The following PCNX1 variants were observed in gnomAD, a reference collection of about 807,000 sequenced individuals.
PCNX1 encodes the protein pecanex 1, also known as pecanex-like protein 1.
A neutral mutation model predicts 242.2 loss-of-function variants in PCNX1; 78 were observed. That is an observed-to-expected ratio of 0.32 (90% CI 0.27 to 0.39). The LOEUF is 0.39. PCNX1 is among the 10% of genes least tolerant of loss of function. The pLI is 1.00. For synonymous variants in PCNX1, 1,024 were observed against 1,032.9 expected (o/e 0.99, Z 0.17); for missense variants, 2,581 against 2,856.5 (o/e 0.90, Z 2.20).
chr14:70,948,614 T>G (rs2057559601), intron 2 of PCNX1, among the ~76,000 whole-genome samples: 1 of 151,438 alleles, frequency 6.6e-6, no homozygotes, highest in African/African-American at 2.4e-5. Context: ...TATATAGATG[T>G]GTATATATAC....
intron 2 of PCNX1, among the ~76,000 whole-genome samples, chr14:70,959,989 A>G (rs1374976732): frequency 6.5e-5 from 8 of 123,206 alleles, no homozygotes; most frequent in African/African-American, 2.1e-4. Context: ...AGTGATGGTG[A>G]GCATTTTTTC....
In PCNX1 at chr14:71,101,182, AT is replaced by A. The variant is rs565184603; in HGVS notation, c.5590-805del. Among the ~76,000 whole-genome samples, 4 of 152,196 alleles carry A rather than the reference AT, an allele frequency of 2.6e-5. No individual in the cohort carries two copies. In the South Asian group the frequency reaches 8.3e-4, roughly 32 times the overall value. On this transcript the variant is annotated intron_variant, in intron 30 of 35. Transcript: ENST00000304743. ...TGGATTACTTTACTGGGATACAGAA[AT>A]TTGTCAGCCTCCCAACTATAAATAT... is the stretch of plus-strand genomic sequence containing the variant.
At position 70,988,683 on chromosome 14, in the gene PCNX1, A is replaced by G. The variant is rs752221489; in HGVS notation, c.2428A>G (p.Ile810Val). 6 of 1,613,928 alleles carry G rather than the reference A, an allele frequency of 3.7e-6. No individual in the cohort carries two copies. The African/African-American group carries it at 8.0e-5, about 22-fold the overall frequency. ...TAACCCTACCCCTCCTACATTGCTC[A>G]TCGGATCACCCCTAAGGTATGGTAT... ...GSNPTPPTLLIGSPLSLQDGQ... is the reference protein window; with the variant it reads ...GSNPTPPTLLVGSPLSLQDGQ... The change falls in exon 7 of 36, where the codon ATC becomes GTC. Residue 810 changes from isoleucine to valine, a missense_variant. Transcript: ENST00000304743.
At position 70,919,014 on chromosome 14, in the gene PCNX1, G is replaced by A. The variant is rs1020168245; in HGVS notation, c.153+11011G>A. Among the ~76,000 whole-genome samples, 32 of 151,790 alleles carry A rather than the reference G, an allele frequency of 2.1e-4. 1 individual carries two copies. The highest frequency in any genetic ancestry group is 1.3e-4 in the Admixed American group (2 of 15,240). On this transcript the variant is annotated intron_variant, in intron 1 of 35. Transcript: ENST00000304743. ...TCCTGTCTCAGCTTTCTGAGTAGCT[G>A]GGACTGCAGGCCTGTGCCACCACAA...
chr14:70,952,580 G>A (rs571546824), intron 2 of PCNX1, among the ~76,000 whole-genome samples: 1 of 148,766 alleles, frequency 6.7e-6, no homozygotes, highest in African/African-American at 2.5e-5. Context: ...CTCTATGAGA[G>A]ATTTTTTTTT....
chr14:71,112,908 GCCTTTTTTT>G lies in PCNX1; in HGVS notation c.*2979_*2987del, dbSNP rs1442205934. 6.6e-6 allele frequency: 1 copy of G among 151,986 alleles called. No homozygotes were observed. Among genetic ancestry groups the G allele is most frequent in the African/African-American group, 2.4e-5 (1 of 41,400 alleles). 9.4% of individuals were successfully genotyped at this position (151,986 alleles called of 1,614,324 possible). A position where few individuals can be genotyped will look rare whatever the true frequency, so the allele number is the denominator to read the frequency against. Reference sequence around the variant, plus strand: ...ATCGTGGAATGAGTTATAAATTATTGCCTTTTTTTCCTTTATTTCTTTCATTCAGTGGCA... The same window carrying G: ...ATCGTGGAATGAGTTATAAATTATTGCCTTTATTTCTTTCATTCAGTGGCA... On this transcript the variant is annotated 3_prime_UTR_variant, in exon 36 of 36. Coordinates refer to ENST00000304743, the MANE Select transcript of PCNX1 (RefSeq NM_014982.3).
intron 26 of PCNX1, among the ~76,000 whole-genome samples, chr14:71,066,638 A>G (rs1043255472): frequency 6.6e-6 from 1 of 152,120 alleles, no homozygotes; most frequent in Non-Finnish European, 1.5e-5. Flanking sequence ...AGAACGTCCA[A>G]TAGTGTGTTG....
At chr14:70,978,920 T>G (rs2058757232) in intron 6 of PCNX1, among the ~76,000 whole-genome samples, 1 of 152,224 alleles carries the variant, frequency 6.6e-6, no homozygotes, top group Non-Finnish European at 1.5e-5. Flanking sequence ...TGCCACCTGT[T>G]AATGTTTTGC....
chr14:70,937,886 CTT>C (rs907401805), intron 1 of PCNX1, among the ~76,000 whole-genome samples: 3 of 152,110 alleles, frequency 2.0e-5, no homozygotes, highest in African/African-American at 7.2e-5. Flanking sequence ...ATTTTATTCT[CTT>C]TGAAGCAATT....
In PCNX1 at chr14:71,114,245, C is replaced by T. The variant is rs1039698156; in HGVS notation, c.*4310C>T. ...TTTTTAAAAATAAGTATTAAAAAGC[C>T]AATCGTTTTCTCCATTTATCTATCT... On this transcript the variant is annotated 3_prime_UTR_variant, in exon 36 of 36. Coordinates refer to ENST00000304743, the MANE Select transcript of PCNX1 (RefSeq NM_014982.3). 6.6e-6 allele frequency: 1 copy of T among 152,068 alleles called. No homozygotes were observed. Among genetic ancestry groups the T allele is most frequent in the Non-Finnish European group, 1.5e-5 (1 of 68,002 alleles). 9.4% of individuals were successfully genotyped at this position (152,068 alleles called of 1,614,324 possible).
At chr14:70,973,604 GA>G (rs1347186822) in intron 5 of PCNX1, among the ~76,000 whole-genome samples, 2 of 151,978 alleles carry the variant, frequency 1.3e-5, no homozygotes, top group Non-Finnish European at 2.9e-5. Flanking sequence ...TTGTAAAGGT[GA>G]TAGCAAGCAG....
rs372503933 is a variant in PCNX1 at position 70,977,077 on chromosome 14, A to G, written c.740A>G (p.His247Arg). Residue 247 changes from histidine (H) to arginine (R), a missense_variant, in exon 6 of 36, where the codon CAC becomes CGC. By Grantham distance (29) the His-to-Arg change is conservative. This residue lies in a region of PCNX1 where 1,204 missense variants were observed against 1,216.7 expected (regional missense o/e 0.99). Transcript: ENST00000304743. Reference protein sequence around the residue: ...SDKVNLPSHNHHHHVDQSLSS... With the variant: ...SDKVNLPSHNRHHHVDQSLSS... ...AAAGTGAACCTGCCAAGTCATAACC[A>G]CCACCACCATGTTGATCAGTCTCTG... 5 of 1,613,982 alleles carry G rather than the reference A, an allele frequency of 3.1e-6. No individual in the cohort carries two copies. In the African/African-American group the frequency reaches 5.3e-5, roughly 17 times the overall value.
chr14:71,081,025 T>G (rs2061841061), intron 28 of PCNX1, among the ~76,000 whole-genome samples: 1 of 152,182 alleles, frequency 6.6e-6, no homozygotes, highest in African/African-American at 2.4e-5. Context: ...TAGCTCTTAT[T>G]ATTTTGAGAT....
intron 1 of PCNX1, among the ~76,000 whole-genome samples, chr14:70,938,593 T>C (rs1035657503): frequency 1.3e-5 from 2 of 152,214 alleles, no homozygotes; most frequent in Admixed American, 1.3e-4. Flanking sequence ...AAATTCTCTT[T>C]TTTGGTTGTG....
At chr14:70,980,494 T>C (rs947329342) in intron 6 of PCNX1, among the ~76,000 whole-genome samples, 6 of 152,160 alleles carry the variant, frequency 3.9e-5, no homozygotes, top group Non-Finnish European at 7.4e-5. Context: ...GGGCAGGCAT[T>C]GCACAGGCTT....
At chr14:71,083,849 G>A (rs2061917061) in intron 28 of PCNX1, among the ~76,000 whole-genome samples, 1 of 152,092 alleles carries the variant, frequency 6.6e-6, no homozygotes, top group Non-Finnish European at 1.5e-5. Context: ...GCCTACTTCT[G>A]TCAATTTGTC....
In PCNX1 at chr14:71,026,246, A is replaced by G. The variant is rs778451546; in HGVS notation, c.3313A>G (p.Thr1105Ala). Residue 1105 changes from threonine (T) to alanine (A), a missense_variant, in exon 14 of 36, where the codon ACC becomes GCC. Physicochemically the swap from Thr to Ala is moderately conservative, Grantham distance 58 (BLOSUM62 0). This residue lies in a region of PCNX1 where 432 missense variants were observed against 443.1 expected (regional missense o/e 0.97). Coordinates refer to ENST00000304743, the MANE Select transcript of PCNX1 (RefSeq NM_014982.3). ...GTTCAAATTATATGGAATAACTTTC[A>G]CCAATCCACTGGTGTTTATATCAGC... ...TKFKLYGITFTNPLVFISARD... is the reference protein window; with the variant it reads ...TKFKLYGITFANPLVFISARD... The G allele has an allele frequency of 6.2e-7, 1 of 1,610,924 alleles. No homozygotes were observed. Among genetic ancestry groups the G allele is most frequent in the South Asian group, 1.1e-5 (1 of 90,394 alleles).
intron 3 of PCNX1, among the ~76,000 whole-genome samples, chr14:70,964,725 T>C (rs1311941620): frequency 1.3e-5 from 2 of 152,234 alleles, no homozygotes; most frequent in African/African-American, 4.8e-5. Context: ...CTGTTTGTTT[T>C]AGGGAGGGAG....
Position 71,013,119 on chromosome 14 carries a change from A to G in PCNX1, c.2913A>G (p.Lys971=). Reference sequence around the variant, plus strand: ...CAGAAGAAGCTGCCCAAAAGGTTAAACACTATTATCGCTTTTGGATCCTAC... The same window carrying G: ...CAGAAGAAGCTGCCCAAAAGGTTAAGCACTATTATCGCTTTTGGATCCTAC... The part of the protein sequence containing the change: ...GPTEEAAQKV[K]HYYRFWILPQ... The change falls in exon 11 of 36, where the codon AAA becomes AAG. Residue 971 remains lysine, a synonymous_variant. Transcript: ENST00000304743. The G allele has an allele frequency of 6.2e-7, 1 of 1,614,130 alleles. No homozygotes were observed. Among genetic ancestry groups the G allele is most frequent in the Non-Finnish European group, 8.5e-7 (1 of 1,180,018 alleles).
Sources: gnomAD v4.1 joint callset for allele counts (sites outside exome capture counted in the v4.1 genomes callset) on GRCh38, gnomAD v4.1.1 for gene constraint, gnomAD v4.1.1 regional missense constraint, MANE v1.5 for transcripts, NCBI Gene and HGNC (gene_info 2026-07-23, HGNC 2026-07-21) for gene names.